The following KIAA1549L variants were observed in gnomAD, a reference collection of about 807,000 sequenced individuals.
KIAA1549L encodes the protein KIAA1549 like, also known as UPF0606 protein KIAA1549L.
KIAA1549L carries 88 observed loss-of-function variants against 160.7 expected under a neutral mutation model. That is an observed-to-expected ratio of 0.55 (90% CI 0.46 to 0.65). The LOEUF is 0.65. Among genes scored for constraint, KIAA1549L ranks in the 30% least tolerant of loss-of-function variants. The probability of loss-of-function intolerance (pLI) is 0.00; values close to 1 mark genes in which losing one functional copy is unlikely to be tolerated. For synonymous variants in KIAA1549L, 950 were observed against 976.7 expected (o/e 0.97, Z 0.51); for missense variants, 2,258 against 2,437.5 (o/e 0.93, Z 1.55).
intron 1 of KIAA1549L, among the ~76,000 whole-genome samples, chr11:33,401,231 A>G (rs1007114781): frequency 1.4e-5 from 2 of 147,968 alleles, no homozygotes; most frequent in African/African-American, 4.9e-5. Flanking sequence ...GATATGTATT[A>G]TATATTAATA....
chr11:33,569,383 G>T (rs774174248), intron 9 of KIAA1549L, among the ~76,000 whole-genome samples: 5 of 152,216 alleles, frequency 3.3e-5, no homozygotes, highest in Non-Finnish European at 7.3e-5. Flanking sequence ...TGCCTCTGGA[G>T]TGGGGACTTC....
chr11:33,408,691 TTTAAGA>T (rs900050349), intron 1 of KIAA1549L, among the ~76,000 whole-genome samples: 10 of 150,598 alleles, frequency 6.6e-5, no homozygotes, highest in Admixed American at 5.3e-4. Context: ...TGACATCATC[TTTAAGA>T]TTAAGTGTTC....
At position 33,645,769 on chromosome 11, in the gene KIAA1549L, C is replaced by T. The variant is rs931235114; in HGVS notation, c.5493C>T (p.Gly1831=). 2.5e-6 allele frequency: 4 copies of T among 1,613,808 alleles called. No homozygotes were observed. The African/African-American group carries it at 4.0e-5, about 16-fold the overall frequency. ...ATTCCAGGTCTCGACAGGTGAAAGGCCACTCGGAGACCTCCACACTGAGCT... is the reference window on the plus strand; with the variant it reads ...ATTCCAGGTCTCGACAGGTGAAAGGTCACTCGGAGACCTCCACACTGAGCT... ...RGYSRSRQVK[G]HSETSTLSSQ... is the part of the protein sequence containing the mutation. Residue 1831 remains glycine (G), a synonymous_variant, in exon 17 of 21, where the codon GGC becomes GGT. Transcript: ENST00000658780.
intron 11 of KIAA1549L, 139 bp from the exon 12 acceptor site, chr11:33,591,098 G>A (rs1373787355): frequency 4.5e-6 from 3 of 666,980 alleles, no homozygotes; most frequent in African/African-American, 3.7e-5. Flanking sequence ...AAATAATGAT[G>A]GGGATTTGAG....
intron 15 of KIAA1549L, among the ~76,000 whole-genome samples, chr11:33,617,880 GGTGGATGGATAGAT>G (rs1850859332): frequency 6.6e-6 from 1 of 151,558 alleles, no homozygotes; most frequent in Non-Finnish European, 1.5e-5. Flanking sequence ...TGGGTAGGTA[GGTGGATGGATAGAT>G]GTGGATGGAT....
chr11:33,658,311 C>T (rs1223036559), intron 18 of KIAA1549L, among the ~76,000 whole-genome samples: 2 of 152,128 alleles, frequency 1.3e-5, no homozygotes, highest in Non-Finnish European at 2.9e-5. Context: ...TCCCGGGTCC[C>T]CTTTCTGGTG....
intron 11 of KIAA1549L, among the ~76,000 whole-genome samples, chr11:33,585,926 GT>G (rs1462361662): frequency 2.0e-5 from 3 of 152,322 alleles, no homozygotes; most frequent in Middle Eastern, 3.4e-3. Flanking sequence ...GGTGGAGCTG[GT>G]TGTTTTCCCC....
At chr11:33,572,140 G>A (rs528694384) in intron 9 of KIAA1549L, among the ~76,000 whole-genome samples, 168 of 152,016 alleles carry the variant, frequency 1.1e-3, no homozygotes, top group African/African-American at 2.1e-3. Flanking sequence ...AGGTTCAAGC[G>A]ATTCTCCTGC....
At chr11:33,546,512 T>A (rs956783668) in intron 3 of KIAA1549L, among the ~76,000 whole-genome samples, 1 of 152,182 alleles carries the variant, frequency 6.6e-6, no homozygotes, top group African/African-American at 2.4e-5. Context: ...CCATCCTATT[T>A]CACACTGCCA....
At chr11:33,493,025 A>G (rs1335119414) in intron 1 of KIAA1549L, among the ~76,000 whole-genome samples, 1 of 152,110 alleles carries the variant, frequency 6.6e-6, no homozygotes, top group Non-Finnish European at 1.5e-5. Context: ...AAAAAACAGG[A>G]TTCCTCGTTG....
At chr11:33,382,055 G>A (rs1345324295) in intron 1 of KIAA1549L, among the ~76,000 whole-genome samples, 4 of 152,146 alleles carry the variant, frequency 2.6e-5, no homozygotes, top group Non-Finnish European at 5.9e-5. Context: ...GAATTCTAGG[G>A]CGATAACAGG....
At chr11:33,464,474 ATGTGTGTGTG>A (rs3038997) in intron 1 of KIAA1549L, among the ~76,000 whole-genome samples, 39 of 140,194 alleles carry the variant, frequency 2.8e-4, no homozygotes, top group African/African-American at 6.6e-4. Context: ...CTGTGTGTGC[ATGTGTGTGTG>A]TGTGTGTGTG....
chr11:33,487,606 G>C (rs549301066), intron 1 of KIAA1549L, among the ~76,000 whole-genome samples: 2 of 152,012 alleles, frequency 1.3e-5, no homozygotes, highest in African/African-American at 2.4e-5. Context: ...ACATCGATTC[G>C]TACTGTGAAT....
intron 1 of KIAA1549L, among the ~76,000 whole-genome samples, chr11:33,422,932 T>A (rs1851048369): frequency 6.6e-6 from 1 of 152,194 alleles, no homozygotes; most frequent in South Asian, 2.1e-4. Flanking sequence ...TCTGGATGGC[T>A]GAGCCTGTCT....
At chr11:33,481,231 T>G (rs1852405552) in intron 1 of KIAA1549L, among the ~76,000 whole-genome samples, 1 of 152,228 alleles carries the variant, frequency 6.6e-6, no homozygotes, top group African/African-American at 2.4e-5. Context: ...AGTAAAACTT[T>G]CATCAATTAT....
intron 16 of KIAA1549L, among the ~76,000 whole-genome samples, chr11:33,622,660 T>C (rs1850991409): frequency 6.6e-6 from 1 of 152,038 alleles, no homozygotes; most frequent in Non-Finnish European, 1.5e-5. Context: ...AGATAGAAAT[T>C]AGCCATTTAG....
intron 1 of KIAA1549L, among the ~76,000 whole-genome samples, chr11:33,427,217 T>C (rs1851135066): frequency 6.6e-6 from 1 of 151,276 alleles, no homozygotes; most frequent in African/African-American, 2.4e-5. Context: ...CTTCTCTTCC[T>C]CACAAAATCT....
chr11:33,433,813 T>C (rs916505139), intron 1 of KIAA1549L, among the ~76,000 whole-genome samples: 1 of 152,130 alleles, frequency 6.6e-6, no homozygotes, highest in African/African-American at 2.4e-5. Flanking sequence ...CTGGAAGCCA[T>C]CATCCTCAGC....
chr11:33,665,319 C>CTT (rs1437239392), intron 20 of KIAA1549L: 2 of 152,618 alleles, frequency 1.3e-5, no homozygotes, highest in Admixed American at 1.3e-4. Flanking sequence ...GAGTGTTCAG[C>CTT]TTTCAGCAAA....
Sources: gnomAD v4.1 joint callset for allele counts (sites outside exome capture counted in the v4.1 genomes callset) on GRCh38, gnomAD v4.1.1 for gene constraint, MANE v1.5 for transcripts, NCBI Gene and HGNC (gene_info 2026-07-23, HGNC 2026-07-21) for gene names.